Variants in KRT72 observed in about 807,000 individuals in gnomAD.
The protein encoded by KRT72 is keratin 72.
A neutral mutation model predicts 44.7 loss-of-function variants in KRT72; 44 were observed. The observed-to-expected ratio is 0.98, with a 90% CI of 0.77 to 1.27. KRT72 has a LOEUF of 1.27. Among genes scored for constraint, KRT72 ranks in the 50% most tolerant of loss-of-function variants. KRT72 has a pLI of 0.00. For synonymous variants in KRT72, 302 were observed against 280.4 expected, an observed-to-expected ratio of 1.08 and a Z score of -0.77; for missense variants, 736 against 667.1, an observed-to-expected ratio of 1.10 and a Z score of -1.14.
chr12:52,595,613 C>A (rs1250684568), intron 2 of KRT72, among the ~76,000 whole-genome samples: 1 of 152,172 alleles, frequency 6.6e-6, no homozygotes, highest in East Asian at 1.9e-4. Flanking sequence ...GGTAAATCTG[C>A]AGCTCCAGAG....
At chr12:52,596,723 TA>T (rs1007737658) in intron 2 of KRT72, among the ~76,000 whole-genome samples, 1 of 152,068 alleles carries the variant, frequency 6.6e-6, no homozygotes, top group African/African-American at 2.4e-5. Context: ...GCTAATTTTT[TA>T]TATTTTTTGT....
In KRT72 at chr12:52,591,776, G is replaced by A. The variant is rs965976805; in HGVS notation, c.799-148C>T. ...CAGCACCAGTGCCTGGCAGGCACGTGAAGAAGTGCCTTAGGCTTTCAGCCC... is the reference window on the plus strand; with the variant it reads ...CAGCACCAGTGCCTGGCAGGCACGTAAAGAAGTGCCTTAGGCTTTCAGCCC... On this transcript the variant is annotated intron_variant, in intron 4 of 8. Coordinates refer to ENST00000293745, the MANE Select transcript of KRT72 (RefSeq NM_080747.3). 20 of 742,732 alleles carry A rather than the reference G, an allele frequency of 2.7e-5. No homozygotes were observed. The African/African-American group carries it at 3.3e-4, about 12-fold the overall frequency. The allele number at this position is 742,732 out of a possible 1,614,324, so 46.0% of individuals were successfully genotyped here.
rs147630760 is a variant in KRT72, at chr12:52,591,566, G to A, written c.861C>T (p.Asn287=). 610 of 1,614,032 alleles carry A rather than the reference G, an allele frequency of 3.8e-4. 5 individuals carry two copies. In the Middle Eastern group the frequency reaches 5.8e-3, roughly 15 times the overall value. ...TGATGCTGTCCAGGTCCAGATCCCG[G>A]TTGTTGTCCATTGACAGGACGATGG... ...DTSIVLSMDN[N]RDLDLDSIIA... The change falls in exon 5 of 9, where the codon AAC becomes AAT. Residue 287 remains asparagine, a synonymous_variant. Coordinates refer to ENST00000293745, the MANE Select transcript of KRT72 (RefSeq NM_080747.3).
chr12:52,586,044 G>A lies in KRT72; in HGVS notation c.1474C>T (p.Leu492Phe). 6.2e-7 allele frequency: 1 copy of A among 1,614,192 alleles called. No homozygotes were observed. Among genetic ancestry groups the A allele is most frequent in the Non-Finnish European group, 8.5e-7 (1 of 1,180,044 alleles). ...GAGGTTTTGGCAAGGGGATCCTTGA[G>A]CTCACTGCCACAGCTGCCTTTGGTC... ...VKTKGSCGSE[L>F]KDPLAKTSGS... Residue 492 changes from leucine (L) to phenylalanine (F), a missense_variant, in exon 9 of 9, where the codon CTC becomes TTC. Physicochemically the swap from Leu to Phe is conservative, Grantham distance 22. Transcript: ENST00000293745.
chr12:52,587,605 C>T (rs371927675), intron 7 of KRT72, 26 bp downstream of exon 7: 34 of 1,612,490 alleles, frequency 2.1e-5, no homozygotes, highest in African/African-American at 1.1e-4. Flanking sequence ...AAACTGGTCC[C>T]GACACAAGGG....
chr12:52,599,357 G>A (rs761260636), intron 1 of KRT72: 7 of 585,330 alleles, frequency 1.2e-5, no homozygotes, highest in Admixed American at 2.2e-5. Flanking sequence ...CTCTGCCTCA[G>A]TGAGTTTTCA....
At chr12:52,586,245 C>T (rs1326891712) in intron 8 of KRT72, 73 bp from the exon 9 acceptor site, 7 of 1,304,906 alleles carry the variant, frequency 5.4e-6, no homozygotes, top group South Asian at 2.8e-5. Flanking sequence ...TTGGGCATCT[C>T]GGGCCACCTC....
intron 4 of KRT72, 143 bp from the exon 5 acceptor site, chr12:52,591,771 C>T: frequency 1.3e-6 from 1 of 778,650 alleles, no homozygotes; most frequent in South Asian, 1.9e-5. Flanking sequence ...GCCTGGCAGG[C>T]ACGTGAAGAA....
chr12:52,586,856 A>G, intron 8 of KRT72, 90 bp downstream of exon 8: 1 of 1,280,606 alleles, frequency 7.8e-7, no homozygotes, highest in South Asian at 1.2e-5. Flanking sequence ...CCCCTCTGTC[A>G]TTCTGATTTC....
Position 52,590,874 on chromosome 12 carries a change from G to A in KRT72, c.1051C>T (p.Gln351Ter). 5 of 1,603,948 alleles carry A rather than the reference G, an allele frequency of 3.1e-6. No homozygotes were observed. Among genetic ancestry groups the A allele is most frequent in the Non-Finnish European group, 4.3e-6 (5 of 1,172,350 alleles). ...TTCCCTATCTCTGAGCGGATCCTCT[G>A]GATCAGGCGGTTGAGCTCAGAGATT... ...AEISELNRLI[Q>*]RIRSEIGNVK... Residue 351 changes from glutamine to a stop codon, truncating the protein, a stop_gained, in exon 6 of 9, where the codon CAG becomes TAG. Coordinates refer to ENST00000293745, the MANE Select transcript of KRT72 (RefSeq NM_080747.3). LOFTEE classifies it high-confidence loss of function.
At chr12:52,593,906 G>T (rs1373788923) in intron 2 of KRT72, among the ~76,000 whole-genome samples, 2 of 152,086 alleles carry the variant, frequency 1.3e-5, no homozygotes, top group African/African-American at 2.4e-5. Context: ...GTGTTAAGTG[G>T]GTATACAGTT....
At chr12:52,592,331 G>A in intron 4 of KRT72, 65 bp downstream of exon 4, 2 of 1,172,434 alleles carry the variant, frequency 1.7e-6, no homozygotes, top group Non-Finnish European at 2.6e-6. Context: ...CCACCTTCCA[G>A]CCAGGGGCCA....
chr12:52,599,066 T>C lies in KRT72; in HGVS notation c.473A>G (p.Asn158Ser). 6.2e-7 allele frequency: 1 copy of C among 1,614,058 alleles called. No homozygotes were observed. The highest frequency in any genetic ancestry group is 1.6e-4 in the Middle Eastern group (1 of 6,062). The change falls in exon 2 of 9, where the codon AAC becomes AGC. Residue 158 changes from asparagine to serine, a missense_variant. Physicochemically the swap from Asn to Ser is conservative, Grantham distance 46. Coordinates refer to ENST00000293745, the MANE Select transcript of KRT72 (RefSeq NM_080747.3). The part of the protein sequence containing the change: ...QQNQVLETKW[N>S]LLQQLDLNNC... ...GTTCAAGTCCAGCTGCTGTAGGAGG[T>C]TCCACTTGGTCTCTAGCACCTGATT...
Position 52,601,424 on chromosome 12 carries a change from C to A in KRT72, c.29G>T (p.Arg10Leu), listed in dbSNP as rs1284061168. 13 of 1,539,090 alleles carry A rather than the reference C, an allele frequency of 8.4e-6. No individual in the cohort carries two copies. The Admixed American group carries it at 1.2e-4, about 14-fold the overall frequency. ...ACCGCTGAAGCCCAGGCGCTCCCCG[C>A]GGGGGAAATGGGTCAGTTGGCGGCT... is the stretch of plus-strand genomic sequence containing the variant. MSRQLTHFPRGERLGFSGCS... is the reference protein window; with the variant it reads MSRQLTHFPLGERLGFSGCS... The change falls in exon 1 of 9, where the codon CGC (arginine) becomes CTC (leucine). Residue 10 changes from arginine (R) to leucine (L), a missense_variant. Physicochemically the swap from Arg to Leu is moderately radical, Grantham distance 102 (BLOSUM62 -2). Coordinates refer to ENST00000293745, the MANE Select transcript of KRT72 (RefSeq NM_080747.3).
rs61747192 is a variant in KRT72 at position 52,601,171 on chromosome 12, G to C, written c.282C>G (p.Pro94=). The C allele has an allele frequency of 1.2e-6, 2 of 1,613,206 alleles. No individual in the cohort carries two copies. The highest frequency in any genetic ancestry group is 2.2e-5 in the East Asian group (1 of 44,788). ...LGPKCPSVCP[P]GGIPQVTVNK... is the part of the protein sequence containing the mutation. ...TGACGGTGACCTGAGGGATGCCCCC[G>C]GGTGGGCACACGGAGGGACACTTGG... The change falls in exon 1 of 9, where the codon CCC becomes CCG. Residue 94 remains proline, a synonymous_variant. Coordinates refer to ENST00000293745, the MANE Select transcript of KRT72 (RefSeq NM_080747.3).
chr12:52,601,493 G>T (rs1417167216), upstream of KRT72: 7 of 1,526,900 alleles, frequency 4.6e-6, no homozygotes, highest in East Asian at 1.7e-4. Flanking sequence ...GAGGCAGAAG[G>T]GGCGCAAACA....
At chr12:52,594,087 A>G (rs552509280) in intron 2 of KRT72, among the ~76,000 whole-genome samples, 2 of 152,332 alleles carry the variant, frequency 1.3e-5, no homozygotes, top group East Asian at 3.9e-4. Context: ...AATTAAGGCT[A>G]GATAGTAGCT....
At chr12:52,599,352 C>A in intron 1 of KRT72, 2 of 591,932 alleles carry the variant, frequency 3.4e-6, no homozygotes, top group Non-Finnish European at 6.3e-6. Context: ...TCTGCCTCTG[C>A]CTCAGTGAGT....
intron 6 of KRT72, among the ~76,000 whole-genome samples, chr12:52,588,335 C>G (rs1939860824): frequency 6.6e-6 from 1 of 152,136 alleles, no homozygotes; most frequent in African/African-American, 2.4e-5. Context: ...AGTTTGGTCC[C>G]CAAATCCCAA....
Sources: gnomAD v4.1 joint callset for allele counts (sites outside exome capture counted in the v4.1 genomes callset) on GRCh38, gnomAD v4.1.1 for gene constraint, MANE v1.5 for transcripts, NCBI Gene and HGNC (gene_info 2026-07-23, HGNC 2026-07-21) for gene names.